Variants in CLGN observed in about 807,000 individuals in gnomAD.
The protein encoded by CLGN is calmegin, also known as testis tissue sperm-binding protein Li 79P.
CLGN carries 62 observed loss-of-function variants against 79.1 expected under a neutral mutation model. The observed-to-expected ratio is 0.78, with a 90% confidence interval of 0.64 to 0.97. CLGN has a LOEUF of 0.97. Ranked by LOEUF, CLGN falls within the 50% of genes least tolerant of loss-of-function variation. The probability of loss-of-function intolerance (pLI) is 0.00; values close to 1 mark genes in which losing one functional copy is unlikely to be tolerated. For synonymous variants in CLGN, 225 were observed against 224.7 expected (o/e 1.00, Z -0.01); for missense variants, 647 against 715.5 (o/e 0.90, Z 1.09).
In CLGN at chr4:140,400,356, C is replaced by T. The variant is rs149051820; in HGVS notation, c.694+1G>A. The T allele has an allele frequency of 6.3e-7, 1 of 1,592,058 alleles. No individual in the cohort carries two copies. The highest frequency in any genetic ancestry group is 2.2e-5 in the East Asian group (1 of 44,534). On this transcript the variant is annotated splice_donor_variant, in intron 7 of 14. Coordinates refer to ENST00000325617, the MANE Select transcript of CLGN (RefSeq NM_004362.3). LOFTEE classifies it high-confidence loss of function. ...TACATGAATGAATTAAAAGGGTATA[C>T]CAAGGGTATAAAGATGAGTCTTCCT...
In CLGN at chr4:140,400,564, G is replaced by A; in HGVS notation, c.502-15C>T. On this transcript the variant is annotated splice_polypyrimidine_tract_variant and intron_variant, in intron 6 of 14. Coordinates refer to ENST00000325617, the MANE Select transcript of CLGN (RefSeq NM_004362.3). ...TAAAAGTTTTCCTTCAAAGAGAGATGAGTGTTGGCATTAGTCCAGAATCAC... is the reference window on the plus strand; with the variant it reads ...TAAAAGTTTTCCTTCAAAGAGAGATAAGTGTTGGCATTAGTCCAGAATCAC... 1 of 1,534,096 alleles carries A rather than the reference G, an allele frequency of 6.5e-7. No individual in the cohort carries two copies. The highest frequency in any genetic ancestry group is 8.9e-7 in the Non-Finnish European group (1 of 1,119,410).
intron 7 of CLGN, among the ~76,000 whole-genome samples, chr4:140,399,345 C>T (rs1160939449): frequency 6.6e-6 from 1 of 152,170 alleles, no homozygotes; most frequent in African/African-American, 2.4e-5. Context: ...TTTATAGTTA[C>T]AAAATACAAG....
chr4:140,423,373 T>C (rs1729506595), intron 1 of CLGN, among the ~76,000 whole-genome samples: 1 of 152,238 alleles, frequency 6.6e-6, no homozygotes, highest in Non-Finnish European at 1.5e-5. Context: ...CCTTGAATTT[T>C]AGGAATAAAT....
In CLGN at chr4:140,413,102, G is replaced by T; in HGVS notation, c.-9-15C>A. 2 of 1,594,578 alleles carry T rather than the reference G, an allele frequency of 1.3e-6. No individual in the cohort carries two copies. The highest frequency in any genetic ancestry group is 1.1e-5 in the South Asian group (1 of 87,444). Reference sequence around the variant, plus strand: ...ATATTGATTATCTGTGAAATTAAAAGTAATTAGTGAAAATAAAACAAAATT... The same window carrying T: ...ATATTGATTATCTGTGAAATTAAAATTAATTAGTGAAAATAAAACAAAATT... On this transcript the variant is annotated splice_polypyrimidine_tract_variant and intron_variant, in intron 1 of 14. Coordinates refer to ENST00000325617, the MANE Select transcript of CLGN (RefSeq NM_004362.3).
At chr4:140,403,651 A>C (rs979740206) in intron 5 of CLGN, among the ~76,000 whole-genome samples, 1 of 152,234 alleles carries the variant, frequency 6.6e-6, no homozygotes, top group Non-Finnish European at 1.5e-5. Flanking sequence ...AATTGGAAAA[A>C]ACAATTTTGT....
intron 1 of CLGN, among the ~76,000 whole-genome samples, chr4:140,421,924 T>G (rs933261284): frequency 1.3e-5 from 2 of 152,162 alleles, no homozygotes; most frequent in Admixed American, 1.3e-4. Flanking sequence ...TTCTTATGTT[T>G]AAGTCTTCAA....
intron 7 of CLGN, among the ~76,000 whole-genome samples, chr4:140,399,353 A>C (rs548413035): frequency 8.5e-5 from 13 of 152,326 alleles, no homozygotes; most frequent in Admixed American, 5.9e-4. Flanking sequence ...TACAAAATAC[A>C]AGCTAATCTT....
chr4:140,389,342 AAC>A, intron 14 of CLGN, 38 bp from the exon 15 acceptor site: 1 of 1,428,508 alleles, frequency 7.0e-7, no homozygotes, highest in Non-Finnish European at 9.9e-7. Context: ...CTTTTAGTAT[AAC>A]ACATAACTAG....
chr4:140,412,718 ATTTG>A (rs1404937430), intron 2 of CLGN, among the ~76,000 whole-genome samples: 1 of 152,150 alleles, frequency 6.6e-6, no homozygotes. Flanking sequence ...CCCCATATTT[ATTTG>A]TTTAAGAAAC....
chr4:140,397,187 C>T (rs989005177), intron 8 of CLGN, among the ~76,000 whole-genome samples: 4 of 151,696 alleles, frequency 2.6e-5, no homozygotes, highest in Admixed American at 2.0e-4. Flanking sequence ...GGTTACACTC[C>T]ACTTCCGGTT....
At chr4:140,393,774 C>T in intron 11 of CLGN, 52 bp downstream of exon 11, 1 of 1,505,328 alleles carries the variant, frequency 6.6e-7, no homozygotes. Context: ...CAACCAAGAC[C>T]AAGTATTATT....
At chr4:140,400,309 A>G (rs1288795408) in intron 7 of CLGN, 48 bp downstream of exon 7, 3 of 1,360,848 alleles carry the variant, frequency 2.2e-6, no homozygotes, top group Non-Finnish European at 3.1e-6. Context: ...GAATACATCA[A>G]TAGTCAGCAA....
chr4:140,398,298 C>G (rs1241611727), intron 8 of CLGN, among the ~76,000 whole-genome samples: 3 of 99,524 alleles, frequency 3.0e-5, no homozygotes, highest in Non-Finnish European at 5.4e-5. Flanking sequence ...GAGACAGAAT[C>G]TTGCTCTGTC....
In CLGN at chr4:140,392,724, T is replaced by C. The variant is rs752269745; in HGVS notation, c.1366-13A>G. The C allele has an allele frequency of 1.9e-6, 3 of 1,555,420 alleles. No individual in the cohort carries two copies. Among genetic ancestry groups the C allele is most frequent in the Non-Finnish European group, 2.6e-6 (3 of 1,157,332 alleles). On this transcript the variant is annotated splice_polypyrimidine_tract_variant and intron_variant, in intron 11 of 14. Coordinates refer to ENST00000325617, the MANE Select transcript of CLGN (RefSeq NM_004362.3). The stretch of plus-strand genomic sequence containing the variant: ...TTAATACACCAGGCTATAGACGAGA[T>C]AAGCATAAAAATGCAATTCAAATTT...
At chr4:140,419,757 C>A (rs545581876) in intron 1 of CLGN, among the ~76,000 whole-genome samples, 1 of 152,206 alleles carries the variant, frequency 6.6e-6, no homozygotes, top group South Asian at 2.1e-4. Context: ...TGGGTGCTGT[C>A]ATTAACTAGG....
Position 140,395,855 on chromosome 4 carries a change from T to C in CLGN, c.1113A>G (p.Val371=), listed in dbSNP as rs1728863335. Residue 371 remains valine, a synonymous_variant, in exon 10 of 15, where the codon GTA becomes GTG. Coordinates refer to ENST00000325617, the MANE Select transcript of CLGN (RefSeq NM_004362.3). ...PMIDNPKYKG[V]WRPPLVDNPN... is the part of the protein sequence containing the mutation. ...GATTATCGACCAGTGGAGGTCTCCATACTCCTTTGTATTTTGGGTTATCTA... is the reference window on the plus strand; with the variant it reads ...GATTATCGACCAGTGGAGGTCTCCACACTCCTTTGTATTTTGGGTTATCTA... 2 of 1,575,884 alleles carry C rather than the reference T, an allele frequency of 1.3e-6. No homozygotes were observed. The highest frequency in any genetic ancestry group is 4.5e-5 in the East Asian group (2 of 44,662).
chr4:140,398,700 T>C, intron 8 of CLGN, 151 bp downstream of exon 8: 1 of 582,520 alleles, frequency 1.7e-6, no homozygotes, highest in Non-Finnish European at 2.8e-6. Context: ...AAGTGTAAAA[T>C]CCATTTTAGA....
intron 8 of CLGN, among the ~76,000 whole-genome samples, chr4:140,397,334 G>A (rs113558824): frequency 8.5e-5 from 13 of 152,100 alleles, no homozygotes; most frequent in African/African-American, 3.1e-4. Flanking sequence ...TAGCATAAGT[G>A]ATACACAAAA....
chr4:140,399,157 A>AAT, intron 7 of CLGN, 117 bp from the exon 8 acceptor site: 1 of 714,754 alleles, frequency 1.4e-6, no homozygotes, highest in East Asian at 3.0e-5. Flanking sequence ...CCCAACCAGA[A>AAT]ATAGAGGAAT....
Sources: gnomAD v4.1 joint callset for allele counts (sites outside exome capture counted in the v4.1 genomes callset) on GRCh38, gnomAD v4.1.1 for gene constraint, MANE v1.5 for transcripts, NCBI Gene and HGNC (gene_info 2026-07-23, HGNC 2026-07-21) for gene names.